ATG10: variants seen among roughly 807,000 people sequenced by gnomAD.
ATG10 encodes ubiquitin-like-conjugating enzyme ATG10.
ATG10 carries 30 observed loss-of-function variants against 32.1 expected under a neutral mutation model. That is an observed-to-expected ratio of 0.94 (90% CI 0.70 to 1.27). The LOEUF (loss-of-function observed/expected upper bound fraction) is 1.27. ATG10 is among the 50% of genes most tolerant of loss of function. ATG10 has a pLI of 0.00. For missense variants in ATG10, 233 were observed against 262.3 expected (o/e 0.89, Z 0.77); for synonymous variants, 87 against 91.5 (o/e 0.95, Z 0.28).
intron 2 of ATG10, among the ~76,000 whole-genome samples, chr5:82,023,610 C>T (rs1762510225): frequency 6.6e-6 from 1 of 152,172 alleles, no homozygotes; most frequent in Admixed American, 6.5e-5. Context: ...TGTACAGAGA[C>T]TGTTTGGAAT....
At chr5:82,237,669 C>T (rs1024656843) in intron 5 of ATG10, among the ~76,000 whole-genome samples, 2 of 151,854 alleles carry the variant, frequency 1.3e-5, no homozygotes, top group South Asian at 2.1e-4. Flanking sequence ...TCTTTGCTGC[C>T]GTCTCTCTCC....
At chr5:82,181,752 C>A (rs1354391611) in intron 5 of ATG10, among the ~76,000 whole-genome samples, 3 of 152,086 alleles carry the variant, frequency 2.0e-5, no homozygotes, top group East Asian at 3.8e-4. Flanking sequence ...CATTTTCAGG[C>A]CTGATTGTGC....
chr5:82,044,994 C>G (rs1249429733), intron 2 of ATG10, among the ~76,000 whole-genome samples: 1 of 152,122 alleles, frequency 6.6e-6, no homozygotes, highest in Non-Finnish European at 1.5e-5. Flanking sequence ...CTCTGTCTCC[C>G]CAAGTTAGTA....
chr5:82,169,590 T>C (rs2149908342), intron 4 of ATG10, among the ~76,000 whole-genome samples: 1 of 152,262 alleles, frequency 6.6e-6, no homozygotes, highest in Non-Finnish European at 1.5e-5. Context: ...AGAAAATTAT[T>C]TGACAGATAA....
intron 1 of ATG10, among the ~76,000 whole-genome samples, chr5:81,975,940 G>A (rs1229604000): frequency 2.6e-5 from 4 of 151,590 alleles, no homozygotes; most frequent in African/African-American, 9.7e-5. Context: ...GATGTGATTA[G>A]GGTGAGTTAT....
At chr5:82,037,619 A>G (rs1430000834) in intron 2 of ATG10, among the ~76,000 whole-genome samples, 2 of 152,090 alleles carry the variant, frequency 1.3e-5, no homozygotes, top group Admixed American at 6.5e-5. Flanking sequence ...CTTTGCTTTA[A>G]TGGAAATGTT....
At chr5:82,193,045 A>T (rs1210712498) in intron 5 of ATG10, among the ~76,000 whole-genome samples, 1 of 152,222 alleles carries the variant, frequency 6.6e-6, no homozygotes, top group East Asian at 1.9e-4. Flanking sequence ...GGCAGATCAC[A>T]ATAGGTATGT....
At chr5:82,247,487 T>C (rs1747083819) in intron 5 of ATG10, among the ~76,000 whole-genome samples, 1 of 152,230 alleles carries the variant, frequency 6.6e-6, no homozygotes, top group Non-Finnish European at 1.5e-5. Flanking sequence ...TTTAGTTCTT[T>C]TTATAGTTTG....
At chr5:82,092,006 G>T (rs1764903656) in intron 3 of ATG10, among the ~76,000 whole-genome samples, 1 of 152,122 alleles carries the variant, frequency 6.6e-6, no homozygotes, top group African/African-American at 2.4e-5. Context: ...AAACATAGAA[G>T]AATATTTATA....
At position 81,987,595 on chromosome 5, in the gene ATG10, G is replaced by GAAAAAA; in HGVS notation, c.26_31dup (p.Lys10_Thr11insLysLys). 1 of 1,611,180 alleles carries GAAAAAA rather than the reference G, an allele frequency of 6.2e-7. No individual in the cohort carries two copies. Among genetic ancestry groups the GAAAAAA allele is most frequent in the Non-Finnish European group, 8.5e-7 (1 of 1,178,932 alleles). On this transcript the variant is annotated inframe_insertion, in exon 2 of 8. Transcript: ENST00000282185. Reference sequence around the variant, plus strand: ...CATGGAAGAAGATGAGTTCATTGGAGAAAAAACATTCCAACGTTATTGTGC... The same window carrying GAAAAAA: ...CATGGAAGAAGATGAGTTCATTGGAGAAAAAAAAAAAACATTCCAACGTTATTGTGC...
At position 81,993,394 on chromosome 5, in the gene ATG10, T is replaced by C. The variant is rs867020058; in HGVS notation, c.108+5716T>C. ...TTTTCTTTTCTTTTCTTTTCTTTTT[T>C]TTTCTTTTCTTTTCTTTTCTTTTCT... On this transcript the variant is annotated intron_variant, in intron 2 of 7. Coordinates refer to ENST00000282185, the MANE Select transcript of ATG10 (RefSeq NM_031482.5). Among the ~76,000 whole-genome samples the C allele has an allele frequency of 6.1e-3, 771 of 125,876 alleles. 43 individuals are homozygous for C. Among genetic ancestry groups the C allele is most frequent in the African/African-American group, 0.024 (723 of 29,648 alleles). 82.6% of individuals were successfully genotyped at this position (125,876 alleles called of 152,430 possible).
At chr5:82,037,341 G>A (rs1335677501) in intron 2 of ATG10, among the ~76,000 whole-genome samples, 23 of 123,486 alleles carry the variant, frequency 1.9e-4, no homozygotes, top group African/African-American at 4.1e-4. Context: ...TCCGCCTCCC[G>A]GGTTCACGCC....
chr5:82,047,958 C>T (rs1246734834), intron 2 of ATG10, among the ~76,000 whole-genome samples: 6 of 150,520 alleles, frequency 4.0e-5, no homozygotes, highest in South Asian at 2.2e-4. Flanking sequence ...TTCCCAGCAC[C>T]GTTTATTAAA....
intron 3 of ATG10, among the ~76,000 whole-genome samples, chr5:82,151,602 G>A (rs1283733937): frequency 2.1e-5 from 3 of 145,554 alleles, no homozygotes; most frequent in Non-Finnish European, 4.5e-5. Context: ...GGCTTTAAAA[G>A]TTTCCTGCAA....
intron 3 of ATG10, among the ~76,000 whole-genome samples, chr5:82,130,377 G>A (rs1029729341): frequency 2.0e-5 from 3 of 151,984 alleles, no homozygotes; most frequent in Non-Finnish European, 2.9e-5. Context: ...GGCGTTCCAG[G>A]TGCCACTTGG....
At chr5:82,005,533 G>A (rs904045676) in intron 2 of ATG10, among the ~76,000 whole-genome samples, 2 of 152,194 alleles carry the variant, frequency 1.3e-5, no homozygotes, top group Non-Finnish European at 2.9e-5. Flanking sequence ...GACCTCGGGT[G>A]ATCCGCCTGC....
chr5:82,120,901 C>T (rs562370944), intron 3 of ATG10, among the ~76,000 whole-genome samples: 1 of 152,110 alleles, frequency 6.6e-6, no homozygotes, highest in African/African-American at 2.4e-5. Context: ...TTAAAAGGTT[C>T]TAATATTTTT....
intron 5 of ATG10, among the ~76,000 whole-genome samples, chr5:82,209,883 T>C (rs1350606484): frequency 6.6e-6 from 1 of 152,226 alleles, no homozygotes. Flanking sequence ...CACTGACTTT[T>C]GTTTCACTGT....
chr5:82,024,274 C>T (rs527341443), intron 2 of ATG10, among the ~76,000 whole-genome samples: 6 of 143,450 alleles, frequency 4.2e-5, no homozygotes, highest in East Asian at 2.3e-4. Context: ...ATGGATTGTT[C>T]GACTCTCTTG....
Sources: gnomAD v4.1 joint callset for allele counts (sites outside exome capture counted in the v4.1 genomes callset) on GRCh38, gnomAD v4.1.1 for gene constraint, MANE v1.5 for transcripts, NCBI Gene and HGNC (gene_info 2026-07-23, HGNC 2026-07-21) for gene names.